The following CAPN12 variants were observed in gnomAD, a reference collection of about 807,000 sequenced individuals.
CAPN12 encodes the protein calpain 12.
A neutral mutation model predicts 95.0 loss-of-function variants in CAPN12; 107 were observed. The ratio of observed to expected loss-of-function variants is 1.13; its 90% CI spans 0.96 to 1.32. The LOEUF is 1.32. Ranked by LOEUF, CAPN12 falls within the 40% of genes most tolerant of loss-of-function variation. CAPN12 has a pLI of 0.00. For missense variants in CAPN12, 1,136 were observed against 997.8 expected, an observed-to-expected ratio of 1.14 and a Z score of -1.87; for synonymous variants, 505 against 415.5, an observed-to-expected ratio of 1.22 and a Z score of -2.62.
chr19:38,739,969 G>A, intron 5 of CAPN12, 82 bp downstream of exon 5: 1 of 1,370,910 alleles, frequency 7.3e-7, no homozygotes. Context: ...GAGAACAGAG[G>A]AAGCACTCCG....
chr19:38,736,787 C>T (rs1440175450), intron 10 of CAPN12: 2 of 605,450 alleles, frequency 3.3e-6, no homozygotes, highest in Non-Finnish European at 5.8e-6. Context: ...TATCCTTGGT[C>T]CCCTCTGGCC....
At position 38,736,151 on chromosome 19, in the gene CAPN12, G is replaced by C; in HGVS notation, c.1542C>G (p.Asp514Glu). ...GCTCGGAGAAGACACGCAGAGTGAAGTCAGCCTCGTCGCCGGCGTGGGCGG... is the reference window on the plus strand; with the variant it reads ...GCTCGGAGAAGACACGCAGAGTGAACTCAGCCTCGTCGCCGGCGTGGGCGG... ...PSTAHAGDEA[D>E]FTLRVFSERR... The change falls in exon 12 of 21, where the codon GAC becomes GAG. Residue 514 changes from aspartate to glutamate, a missense_variant. Asp to Glu is a conservative substitution (Grantham distance 45, BLOSUM62 2). Coordinates refer to ENST00000328867, the MANE Select transcript of CAPN12 (RefSeq NM_144691.4). 6.6e-6 allele frequency: 10 copies of C among 1,515,638 alleles called. No individual in the cohort carries two copies. Among genetic ancestry groups the C allele is most frequent in the Non-Finnish European group, 8.8e-6 (10 of 1,135,278 alleles). 93.9% of individuals were successfully genotyped at this position (1,515,638 alleles called of 1,614,324 possible).
chr19:38,735,099 G>A (rs1969925238), intron 14 of CAPN12: 1 of 605,970 alleles, frequency 1.7e-6, no homozygotes, highest in Non-Finnish European at 2.9e-6. Context: ...TGGTCAGGGA[G>A]AGCTTCCAGG....
chr19:38,734,294 C>T lies in CAPN12; in HGVS notation c.1815+25G>A, dbSNP rs62120072. 0.065 allele frequency: 103,373 copies of T among 1,602,248 alleles called. 3,662 individuals are homozygous for T. The highest frequency in any genetic ancestry group is 0.1 in the South Asian group (9,150 of 89,886). On this transcript the variant is annotated intron_variant, in intron 16 of 20. Transcript: ENST00000328867. ...ACGTCCCCTTCCCCACTCCCTCCCTCACCCAGGCACTGCCCCCCATGTACC... is the reference window on the plus strand; with the variant it reads ...ACGTCCCCTTCCCCACTCCCTCCCTTACCCAGGCACTGCCCCCCATGTACC...
At chr19:38,734,980 C>T (rs933583341) in intron 14 of CAPN12, 110 bp from the exon 15 acceptor site, 8 of 1,013,492 alleles carry the variant, frequency 7.9e-6, no homozygotes, top group Middle Eastern at 4.6e-4. Flanking sequence ...GCCCTAGCTC[C>T]AGGAGTGGGG....
chr19:38,744,056 G>C lies in CAPN12; in HGVS notation c.110C>G (p.Ala37Gly). Residue 37 changes from alanine to glycine, a missense_variant, in exon 1 of 21, where the codon GCA (alanine) becomes GGA (glycine). Physicochemically the swap from Ala to Gly is moderately conservative, Grantham distance 60 (BLOSUM62 0). Transcript: ENST00000328867. ...FRGQSYEAIRAACLDSGILFR... is the reference protein window; with the variant it reads ...FRGQSYEAIRGACLDSGILFR... Reference sequence around the variant, plus strand: ...CAGGATCCCCGAATCCAGGCAGGCTGCCCGAATTGCCTCATAGCTCTGGCC... The same window carrying C: ...CAGGATCCCCGAATCCAGGCAGGCTCCCCGAATTGCCTCATAGCTCTGGCC... The C allele has an allele frequency of 5.6e-6, 9 of 1,614,224 alleles. No homozygotes were observed. The highest frequency in any genetic ancestry group is 7.6e-6 in the Non-Finnish European group (9 of 1,180,036).
chr19:38,738,203 G>A, intron 8 of CAPN12, 70 bp downstream of exon 8: 1 of 1,516,972 alleles, frequency 6.6e-7, no homozygotes, highest in Non-Finnish European at 9.1e-7. Flanking sequence ...CCTTCAACTG[G>A]GGCTCGCCCT....
rs767133462 is a variant in CAPN12, at chr19:38,741,855, C to G, written c.482G>C (p.Arg161Pro). The G allele has an allele frequency of 1.9e-6, 3 of 1,614,004 alleles. No individual in the cohort carries two copies. The highest frequency in any genetic ancestry group is 3.3e-5 in the Admixed American group (2 of 59,996). Reference sequence around the variant, plus strand: ...GCGCACGAACATCAGCTTCCCCTCACGCACGGGCAGCCTGTCATCCACCAC... The same window carrying G: ...GCGCACGAACATCAGCTTCCCCTCAGGCACGGGCAGCCTGTCATCCACCAC... ...DVVVDDRLPV[R>P]EGKLMFVRSE... Residue 161 changes from arginine to proline, a missense_variant, in exon 4 of 21, where the codon CGT becomes CCT. Physicochemically the swap from Arg to Pro is moderately radical, Grantham distance 103 (BLOSUM62 -2). Coordinates refer to ENST00000328867, the MANE Select transcript of CAPN12 (RefSeq NM_144691.4).
At position 38,741,927 on chromosome 19, in the gene CAPN12, C is replaced by T. The variant is rs1054207591; in HGVS notation, c.427-17G>A. On this transcript the variant is annotated splice_polypyrimidine_tract_variant and intron_variant, in intron 3 of 20. Transcript: ENST00000328867. ...CTGCCAGAGCTGGTGGGAGAAGATG[C>T]AGGGCCGGACTCGGCTTCCAACCTC... 3.7e-6 allele frequency: 6 copies of T among 1,612,254 alleles called. No homozygotes were observed. The highest frequency in any genetic ancestry group is 1.3e-5 in the African/African-American group (1 of 74,904).
Position 38,740,032 on chromosome 19 carries a change from G to T in CAPN12, c.729+19C>A. The T allele has an allele frequency of 2.6e-6, 4 of 1,539,074 alleles. No individual in the cohort carries two copies. In the South Asian group the frequency reaches 3.7e-5, roughly 14 times the overall value. On this transcript the variant is annotated intron_variant, in intron 5 of 20. Transcript: ENST00000328867. ...TCTGGTCCTGGTGGGGGTTCCGCAT[G>T]CGAGTCCAGGTCTCTTACCAGGGCA...
chr19:38,739,917 CTAGT>C (rs1223185174), intron 5 of CAPN12, 130 bp downstream of exon 5: 12 of 887,146 alleles, frequency 1.4e-5, no homozygotes, highest in East Asian at 8.9e-5. Flanking sequence ...TTATTTTTGA[CTAGT>C]TAGATTTATG....
chr19:38,735,431 T>A lies in CAPN12; in HGVS notation c.1627-2A>T, dbSNP rs1211844652. On this transcript the variant is annotated splice_acceptor_variant, in intron 13 of 20. Coordinates refer to ENST00000328867, the MANE Select transcript of CAPN12 (RefSeq NM_144691.4). LOFTEE classifies it high-confidence loss of function. ...CAGCTCCAGGGGCAGGTAGGGGCCC[T>A]GCCGCATGGCGGAAGTTTAGCGCTG... 1 of 1,610,564 alleles carries A rather than the reference T, an allele frequency of 6.2e-7. No homozygotes were observed. The highest frequency in any genetic ancestry group is 8.5e-7 in the Non-Finnish European group (1 of 1,178,928).
intron 18 of CAPN12, 159 bp from the exon 19 acceptor site, chr19:38,731,382 C>T (rs376653887): frequency 1.1e-5 from 7 of 636,542 alleles, no homozygotes; most frequent in African/African-American, 3.6e-5. Context: ...TCCCTTCAAT[C>T]CTCTGGGCCT....
chr19:38,736,656 T>C, intron 10 of CAPN12, 93 bp from the exon 11 acceptor site: 1 of 1,339,496 alleles, frequency 7.5e-7, no homozygotes, highest in Non-Finnish European at 1.0e-6. Context: ...CTGTGCTCTC[T>C]CCCTCCTTCT....
In CAPN12 at chr19:38,737,400, G is replaced by A; in HGVS notation, c.1130-12C>T. 2 of 1,608,716 alleles carry A rather than the reference G, an allele frequency of 1.2e-6. No homozygotes were observed. Among genetic ancestry groups the A allele is most frequent in the South Asian group, 2.2e-5 (2 of 90,768 alleles). On this transcript the variant is annotated splice_polypyrimidine_tract_variant and intron_variant, in intron 9 of 20. Transcript: ENST00000328867. ...GGTCCAGAAGGTTTCTAAGGGAGGAGGAAAAAAGGGGGTTTCCTAGCCGGC... is the reference window on the plus strand; with the variant it reads ...GGTCCAGAAGGTTTCTAAGGGAGGAAGAAAAAAGGGGGTTTCCTAGCCGGC...
At chr19:38,733,471 A>C (rs1028812767) in intron 18 of CAPN12, 18 of 504,308 alleles carry the variant, frequency 3.6e-5, no homozygotes, top group Non-Finnish European at 4.2e-5. Flanking sequence ...CCTACCAGGC[A>C]CATCCCCCTT....
Position 38,736,165 on chromosome 19 carries a change from C to G in CAPN12, c.1528G>C (p.Gly510Arg). The G allele has an allele frequency of 6.6e-7, 1 of 1,513,350 alleles. No homozygotes were observed. The highest frequency in any genetic ancestry group is 8.8e-7 in the Non-Finnish European group (1 of 1,134,544). The allele number at this position is 1,513,350 out of a possible 1,614,324, so 93.7% of individuals were successfully genotyped here. The change falls in exon 12 of 21, where the codon GGC becomes CGC. Residue 510 changes from glycine (G) to arginine (R), a missense_variant. Physicochemically the swap from Gly to Arg is moderately radical, Grantham distance 125. Coordinates refer to ENST00000328867, the MANE Select transcript of CAPN12 (RefSeq NM_144691.4). ...CGCAGAGTGAAGTCAGCCTCGTCGC[C>G]GGCGTGGGCGGTGCTCGGCACCACC... ...YLVVPSTAHAGDEADFTLRVF... is the reference protein window; with the variant it reads ...YLVVPSTAHARDEADFTLRVF...
rs142367713 is a variant in CAPN12 at position 38,740,224 on chromosome 19, G to T, written c.561-5C>A. On this transcript the variant is annotated splice_region_variant and splice_polypyrimidine_tract_variant and intron_variant, in intron 4 of 20. Transcript: ENST00000328867. ...ACCTCATAGGAGCCGTGGAGCCTGT[G>T]GGGGCAGATCTGGGGTGAGGGTTGA... 2 of 1,597,746 alleles carry T rather than the reference G, an allele frequency of 1.3e-6. No homozygotes were observed. Among genetic ancestry groups the T allele is most frequent in the Admixed American group, 1.7e-5 (1 of 58,122 alleles).
Position 38,735,425 on chromosome 19 carries a change from G to A in CAPN12, c.1631C>T (p.Pro544Leu), listed in dbSNP as rs1391175756. 1.2e-6 allele frequency: 2 copies of A among 1,610,888 alleles called. No homozygotes were observed. The highest frequency in any genetic ancestry group is 1.7e-5 in the Admixed American group (1 of 59,856). ...ISADLQSLQG[P>L]YLPLELGLEQ... ...CAACCCCAGCTCCAGGGGCAGGTAG[G>A]GGCCCTGCCGCATGGCGGAAGTTTA... Residue 544 changes from proline (P) to leucine (L), a missense_variant, in exon 14 of 21, where the codon CCC becomes CTC. By Grantham distance (98) the Pro-to-Leu change is moderately conservative (BLOSUM62 -3). Transcript: ENST00000328867.
Sources: gnomAD v4.1 joint callset for allele counts on GRCh38, gnomAD v4.1.1 for gene constraint, MANE v1.5 for transcripts, NCBI Gene and HGNC (gene_info 2026-07-23, HGNC 2026-07-21) for gene names.